PELI2: variants seen among roughly 807,000 people sequenced by gnomAD.
PELI2 encodes pellino E3 ubiquitin protein ligase family member 2.
PELI2 carries 23 observed loss-of-function variants against 42.3 expected under a neutral mutation model. That is an observed-to-expected ratio of 0.54 (90% CI 0.39 to 0.77). PELI2 has a LOEUF of 0.77. PELI2 is among the 30% of genes least tolerant of loss of function. The pLI, the probability that PELI2 is intolerant of heterozygous loss-of-function variation, is 0.00. For missense variants in PELI2, 463 were observed against 553.2 expected (o/e 0.84, Z 1.64); for synonymous variants, 245 against 212.2 (o/e 1.15, Z -1.34).
At position 56,298,793 on chromosome 14, in the gene PELI2, T is replaced by C. The variant is rs1566693281; in HGVS notation, c.*1627T>C. 1 of 152,640 alleles carries C rather than the reference T, an allele frequency of 6.6e-6. No homozygotes were observed. The highest frequency in any genetic ancestry group is 2.4e-5 in the African/African-American group (1 of 41,468). 9.5% of individuals were successfully genotyped at this position (152,640 alleles called of 1,614,324 possible). On this transcript the variant is annotated 3_prime_UTR_variant, in exon 6 of 6. Coordinates refer to ENST00000267460, the MANE Select transcript of PELI2 (RefSeq NM_021255.3). Reference sequence around the variant, plus strand: ...TTCAGCCTCTCAGTTTTAATATAGCTTTATTTTTCAGTGGAGATCATTGTT... The same window carrying C: ...TTCAGCCTCTCAGTTTTAATATAGCCTTATTTTTCAGTGGAGATCATTGTT...
intron 2 of PELI2, among the ~76,000 whole-genome samples, chr14:56,276,363 T>G (rs1889291892): frequency 6.6e-6 from 1 of 152,092 alleles, no homozygotes; most frequent in South Asian, 2.1e-4. Context: ...GGCGCCCTGG[T>G]TTTTACTGCC....
chr14:56,248,367 A>T (rs1313094195), intron 2 of PELI2, among the ~76,000 whole-genome samples: 1 of 151,712 alleles, frequency 6.6e-6, no homozygotes. Flanking sequence ...ACAGATCATT[A>T]TTCCTTTTTT....
intron 2 of PELI2, among the ~76,000 whole-genome samples, chr14:56,268,499 T>G (rs1888985430): frequency 6.6e-6 from 1 of 152,226 alleles, no homozygotes; most frequent in South Asian, 2.1e-4. Flanking sequence ...AGTCTTAATA[T>G]GTACAGTAAG....
At chr14:56,210,807 C>A (rs932824020) in intron 2 of PELI2, among the ~76,000 whole-genome samples, 9 of 152,126 alleles carry the variant, frequency 5.9e-5, no homozygotes, top group African/African-American at 2.2e-4. Flanking sequence ...TCCCTGTGGT[C>A]GGTAAGTTGA....
At chr14:56,260,183 A>G (rs150155798) in intron 2 of PELI2, among the ~76,000 whole-genome samples, 5 of 152,214 alleles carry the variant, frequency 3.3e-5, no homozygotes, top group Non-Finnish European at 5.9e-5. Flanking sequence ...GGAGAAATGT[A>G]TATATCCCCA....
chr14:56,159,611 G>T (rs1053808595), intron 1 of PELI2, among the ~76,000 whole-genome samples: 15 of 151,440 alleles, frequency 9.9e-5, no homozygotes, highest in Admixed American at 9.2e-4. Flanking sequence ...CTTCTTTTGG[G>T]AATCAAAAAT....
At chr14:56,284,559 T>A (rs761768816) in intron 3 of PELI2, among the ~76,000 whole-genome samples, 2 of 152,198 alleles carry the variant, frequency 1.3e-5, no homozygotes, top group Non-Finnish European at 2.9e-5. Flanking sequence ...TTGGTTTGGT[T>A]TGGTTTTCAA....
At chr14:56,286,080 AAAC>A (rs1001034035) in intron 3 of PELI2, among the ~76,000 whole-genome samples, 10 of 152,222 alleles carry the variant, frequency 6.6e-5, no homozygotes, top group African/African-American at 1.9e-4. Flanking sequence ...TTAAAATTTA[AAAC>A]AACAACAGCA....
chr14:56,122,443 A>G (rs901878471), intron 1 of PELI2, among the ~76,000 whole-genome samples: 2 of 152,162 alleles, frequency 1.3e-5, no homozygotes, highest in Non-Finnish European at 2.9e-5. Flanking sequence ...AGATTCCAGC[A>G]GCGCTGTCAG....
chr14:56,280,542 A>G (rs1171173316), intron 3 of PELI2, among the ~76,000 whole-genome samples: 1 of 152,170 alleles, frequency 6.6e-6, no homozygotes, highest in Non-Finnish European at 1.5e-5. Context: ...TTGCATTTCC[A>G]TATGGAGAGT....
chr14:56,241,919 C>G (rs1455818107), intron 2 of PELI2, among the ~76,000 whole-genome samples: 1 of 152,098 alleles, frequency 6.6e-6, no homozygotes, highest in Non-Finnish European at 1.5e-5. Context: ...AGGATACACT[C>G]CACTAAAATG....
intron 2 of PELI2, among the ~76,000 whole-genome samples, chr14:56,263,510 T>C (rs1888797347): frequency 6.6e-6 from 1 of 152,162 alleles, no homozygotes; most frequent in South Asian, 2.1e-4. Context: ...GTAAATATTA[T>C]TATTCTGACA....
intron 2 of PELI2, among the ~76,000 whole-genome samples, chr14:56,242,367 TAGC>T (rs1566659852): frequency 6.6e-6 from 1 of 152,198 alleles, no homozygotes; most frequent in Non-Finnish European, 1.5e-5. Context: ...TATTTTATAT[TAGC>T]AGCTTGGGGG....
intron 1 of PELI2, among the ~76,000 whole-genome samples, chr14:56,149,407 T>G (rs1239816374): frequency 6.6e-6 from 1 of 152,204 alleles, no homozygotes; most frequent in African/African-American, 2.4e-5. Flanking sequence ...CCTTTTTTAT[T>G]TCTACAACTT....
chr14:56,159,074 T>C (rs546548730), intron 1 of PELI2, among the ~76,000 whole-genome samples: 45 of 152,346 alleles, frequency 3.0e-4, no homozygotes, highest in African/African-American at 1.0e-3. Context: ...TAGCTCACAG[T>C]CTTTAGATAC....
chr14:56,290,318 T>C lies in PELI2; in HGVS notation c.558T>C (p.Thr186=). ...CCGACGGCCACATGGATGGGCTCAC[T>C]ACTAATGGCGTCCTGGTGATGCATC... ...KNPDGHMDGL[T]TNGVLVMHPR... The change falls in exon 5 of 6, where the codon ACT becomes ACC. Residue 186 remains threonine, a synonymous_variant. Coordinates refer to ENST00000267460, the MANE Select transcript of PELI2 (RefSeq NM_021255.3). 1 of 1,613,292 alleles carries C rather than the reference T, an allele frequency of 6.2e-7. No homozygotes were observed. Among genetic ancestry groups the C allele is most frequent in the African/African-American group, 1.3e-5 (1 of 75,016 alleles).
chr14:56,125,510 T>C (rs1192889234), intron 1 of PELI2, among the ~76,000 whole-genome samples: 2 of 152,048 alleles, frequency 1.3e-5, no homozygotes, highest in South Asian at 2.1e-4. Flanking sequence ...TCCGAGAAAA[T>C]AGTCCTGTGT....
At chr14:56,177,708 CAT>C (rs1419613451) in intron 1 of PELI2, among the ~76,000 whole-genome samples, 5 of 152,170 alleles carry the variant, frequency 3.3e-5, no homozygotes, top group East Asian at 3.8e-4. Flanking sequence ...GACTAAAACT[CAT>C]GTGTATATTT....
At chr14:56,293,503 T>C (rs1889902230) in intron 5 of PELI2, among the ~76,000 whole-genome samples, 1 of 36,480 alleles carries the variant, frequency 2.7e-5, no homozygotes, top group South Asian at 9.3e-4. Flanking sequence ...ATAGGACTGT[T>C]GTGAGAACTA....
Sources: allele counts gnomAD v4.1 joint callset (sites outside exome capture counted in the v4.1 genomes callset), GRCh38; gene constraint gnomAD v4.1.1; transcripts MANE v1.5; gene names NCBI Gene and HGNC (gene_info 2026-07-23, HGNC 2026-07-21).